The following TATDN2 variants were observed in gnomAD, a reference collection of about 807,000 sequenced individuals.
The protein encoded by TATDN2 is 3'-5' RNA nuclease TATDN2.
In TATDN2, 44 loss-of-function variants were observed where a neutral mutation model predicts 60.3. That is an observed-to-expected ratio of 0.73 (90% CI 0.57 to 0.94). The LOEUF is 0.94. TATDN2 is among the 40% of genes least tolerant of loss of function. The probability of loss-of-function intolerance (pLI) is 0.00; values close to 1 mark genes in which losing one functional copy is unlikely to be tolerated. For missense variants in TATDN2, 997 were observed against 948.0 expected (o/e 1.05, Z -0.68); for synonymous variants, 399 against 355.8 (o/e 1.12, Z -1.37).
rs761710079 is a variant in TATDN2, at chr3:10,270,303, T to G, written c.1121T>G (p.Leu374Trp). The change falls in exon 4 of 8, where the codon TTG (leucine) becomes TGG (tryptophan). Residue 374 changes from leucine (L) to tryptophan (W), a missense_variant. Coordinates refer to ENST00000448281, the MANE Select transcript of TATDN2 (RefSeq NM_014760.4). ...GACTATGTCATGTACCCTCCTCATTTGTACAGTAGTCCTTGGTGTGACTAC... is the reference window on the plus strand; with the variant it reads ...GACTATGTCATGTACCCTCCTCATTGGTACAGTAGTCCTTGGTGTGACTAC... ...TTDYVMYPPH[L>W]YSSPWCDYAS... The G allele has an allele frequency of 6.2e-7, 1 of 1,614,208 alleles. No individual in the cohort carries two copies. The highest frequency in any genetic ancestry group is 1.1e-5 in the South Asian group (1 of 91,084).
chr3:10,256,478 G>GT (rs549004712), intron 2 of TATDN2, among the ~76,000 whole-genome samples: 13,427 of 146,634 alleles, frequency 0.092, 736 homozygotes, highest in East Asian at 0.26. Flanking sequence ...ACCCAGCCTT[G>GT]TTTTTTTTTT....
chr3:10,261,435 A>G (rs1452599491), intron 3 of TATDN2, among the ~76,000 whole-genome samples: 4 of 150,264 alleles, frequency 2.7e-5, no homozygotes, highest in African/African-American at 7.4e-5. Context: ...CGATGGTGCA[A>G]TCTTGGCTCA....
chr3:10,256,837 A>G (rs902260287), intron 2 of TATDN2, among the ~76,000 whole-genome samples: 1 of 151,828 alleles, frequency 6.6e-6, no homozygotes, highest in African/African-American at 2.4e-5. Context: ...AGGCAAGGAC[A>G]TGGCAAGCAG....
intron 4 of TATDN2, among the ~76,000 whole-genome samples, chr3:10,271,831 C>T (rs1175246754): frequency 2.0e-5 from 3 of 152,034 alleles, no homozygotes; most frequent in East Asian, 1.9e-4. Flanking sequence ...TGGGTTCAAG[C>T]GATTCTCCTG....
chr3:10,251,607 A>T (rs1307277861), intron 2 of TATDN2, among the ~76,000 whole-genome samples: 1 of 152,074 alleles, frequency 6.6e-6, no homozygotes, highest in Admixed American at 6.6e-5. Flanking sequence ...GCTGGTCTCT[A>T]ACTCCTGACT....
At position 10,278,672 on chromosome 3, in the gene TATDN2, A is replaced by C. The variant is rs780820776; in HGVS notation, c.2145+210A>C. The C allele has an allele frequency of 4.1e-6, 4 of 977,404 alleles. No homozygotes were observed. Among genetic ancestry groups the C allele is most frequent in the African/African-American group, 3.2e-5 (2 of 62,188 alleles). 60.5% of individuals were successfully genotyped at this position (977,404 alleles called of 1,614,324 possible). A position where few individuals can be genotyped will look rare whatever the true frequency, so the allele number is the denominator to read the frequency against. On this transcript the variant is annotated intron_variant, in intron 6 of 7. Transcript: ENST00000448281. This position sits in a 1 kb window ranked among gnomAD's most constrained non-coding sequence, Gnocchi z 4.7. ...TAACCACTCTCTTCCAGGCAGTGCA[A>C]AGCCCTACCCTGTAGAGGGTAGTCC...
At chr3:10,273,861 G>GT (rs1166494560) in intron 4 of TATDN2, among the ~76,000 whole-genome samples, 4 of 152,206 alleles carry the variant, frequency 2.6e-5, no homozygotes, top group Non-Finnish European at 5.9e-5. Context: ...ATCCTGAATA[G>GT]TTTGTGTGTA....
chr3:10,249,520 G>C lies in TATDN2; in HGVS notation c.320G>C (p.Arg107Pro). 6.2e-7 allele frequency: 1 copy of C among 1,606,750 alleles called. No homozygotes were observed. Residue 107 changes from arginine (R) to proline (P), a missense_variant, in exon 2 of 8, where the codon CGG becomes CCG. By Grantham distance (103) the Arg-to-Pro change is moderately radical. Transcript: ENST00000448281. The stretch of plus-strand genomic sequence containing the variant: ...AAAGGCTGCCTGATTCGGAACACTC[G>C]GGGGTTCCTGTCTTCAGGGGGATCC... ...ASKGCLIRNT[R>P]GFLSSGGSPL...
chr3:10,260,351 C>G lies in TATDN2; in HGVS notation c.629C>G (p.Ala210Gly), dbSNP rs199748216. Residue 210 changes from alanine to glycine, a missense_variant, in exon 3 of 8, where the codon GCA (alanine) becomes GGA (glycine). Ala to Gly is a moderately conservative substitution (Grantham distance 60). Transcript: ENST00000448281. The stretch of plus-strand genomic sequence containing the variant: ...AGGAAGGGAGAGGCTGCCACTCGGG[C>G]AAAACCAAGCGCAGCAGAGCATCCC... ...PKRKGEAATR[A>G]KPSAAEHPSH... 6.2e-6 allele frequency: 10 copies of G among 1,614,032 alleles called. No homozygotes were observed. The highest frequency in any genetic ancestry group is 8.5e-6 in the Non-Finnish European group (10 of 1,180,036).
At chr3:10,263,757 A>T (rs1698439840) in intron 3 of TATDN2, among the ~76,000 whole-genome samples, 1 of 152,080 alleles carries the variant, frequency 6.6e-6, no homozygotes, top group Non-Finnish European at 1.5e-5. Flanking sequence ...GGCTGCCTTC[A>T]CATGTCTGGT....
Position 10,276,228 on chromosome 3 carries a change from C to T in TATDN2, c.1834-133C>T, listed in dbSNP as rs1387996991. ...GGCTCTATTGTAAGTGACCAATAAT[C>T]ATTAGCTATTATTACATTATATAGT... On this transcript the variant is annotated intron_variant, in intron 4 of 7. Transcript: ENST00000448281. 9 of 1,160,672 alleles carry T rather than the reference C, an allele frequency of 7.8e-6. No homozygotes were observed. In the South Asian group the frequency reaches 1.2e-4, roughly 16 times the overall value. 71.9% of individuals were successfully genotyped at this position (1,160,672 alleles called of 1,614,324 possible).
intron 2 of TATDN2, among the ~76,000 whole-genome samples, chr3:10,258,131 A>G (rs189104151): frequency 6.6e-5 from 10 of 151,452 alleles, no homozygotes; most frequent in African/African-American, 2.4e-4. Flanking sequence ...GACATTAGCC[A>G]CCGCGCCCAG....
intron 4 of TATDN2, among the ~76,000 whole-genome samples, chr3:10,273,073 T>C (rs1698589524): frequency 6.6e-6 from 1 of 152,034 alleles, no homozygotes. Flanking sequence ...TAAAGGTCCA[T>C]GGGGCGACCT....
intron 2 of TATDN2, among the ~76,000 whole-genome samples, chr3:10,251,688 T>C (rs1698234420): frequency 1.3e-5 from 2 of 151,706 alleles, no homozygotes; most frequent in African/African-American, 2.4e-5. Flanking sequence ...GCCCGGCCAA[T>C]TGTATTCTTA....
At chr3:10,252,021 G>C (rs1196710118) in intron 2 of TATDN2, among the ~76,000 whole-genome samples, 1 of 151,588 alleles carries the variant, frequency 6.6e-6, no homozygotes, top group Non-Finnish European at 1.5e-5. Flanking sequence ...GGTGGCGGGT[G>C]CCTGTAGTCC....
intron 3 of TATDN2, among the ~76,000 whole-genome samples, chr3:10,268,884 C>A (rs1474763744): frequency 1.3e-5 from 2 of 152,124 alleles, no homozygotes; most frequent in Admixed American, 1.3e-4. Flanking sequence ...CGATTTAATG[C>A]AAGGGATGGT....
In TATDN2 at chr3:10,270,916, TC is replaced by T; in HGVS notation, c.1735del (p.Leu579PhefsTer5). Reference protein sequence around the residue: ...RYYSESQERNLLQALRHPKAV... With the variant: ...RYYSESQERNXLQALRHPKAV... ...ACTACAGTGAGAGTCAAGAAAGAAA[TC>T]TTTTGCAAGCCTTAAGGCACCCTAA... On this transcript the variant is annotated frameshift_variant, in exon 4 of 8. Coordinates refer to ENST00000448281, the MANE Select transcript of TATDN2 (RefSeq NM_014760.4). LOFTEE classifies it high-confidence loss of function. The T allele has an allele frequency of 6.2e-7, 1 of 1,614,162 alleles. No homozygotes were observed. Among genetic ancestry groups the T allele is most frequent in the Non-Finnish European group, 8.5e-7 (1 of 1,180,028 alleles).
chr3:10,268,522 AT>A (rs924340252), intron 3 of TATDN2, among the ~76,000 whole-genome samples: 1 of 152,220 alleles, frequency 6.6e-6, no homozygotes, highest in Non-Finnish European at 1.5e-5. Context: ...TGGCACTTAA[AT>A]TTTGTTTCCA....
At chr3:10,272,367 C>T (rs1358258077) in intron 4 of TATDN2, among the ~76,000 whole-genome samples, 1 of 151,812 alleles carries the variant, frequency 6.6e-6, no homozygotes, top group Non-Finnish European at 1.5e-5. Context: ...TCCACCTCCC[C>T]AGTTCAAGTG....
Sources: gnomAD v4.1 joint callset for allele counts (sites outside exome capture counted in the v4.1 genomes callset) on GRCh38, gnomAD v4.1.1 for gene constraint, Gnocchi (gnomAD v3.1) non-coding constraint, MANE v1.5 for transcripts, NCBI Gene and HGNC (gene_info 2026-07-23, HGNC 2026-07-21) for gene names.